ZDHHC20: variants seen among roughly 807,000 people sequenced by gnomAD.
The protein encoded by ZDHHC20 is zDHHC palmitoyltransferase 20, also known as palmitoyltransferase ZDHHC20.
ZDHHC20 carries 43 observed loss-of-function variants against 57.8 expected under a neutral mutation model. The ratio of observed to expected loss-of-function variants is 0.74; its 90% confidence interval spans 0.58 to 0.96. The LOEUF is 0.96. ZDHHC20 is among the 40% of genes least tolerant of loss of function. The pLI, the probability that ZDHHC20 is intolerant of heterozygous loss-of-function variation, is 0.00. For missense variants in ZDHHC20, 391 were observed against 441.1 expected (o/e 0.89, Z 1.02); for synonymous variants, 157 against 153.0 (o/e 1.03, Z -0.19).
chr13:21,374,852 G>T lies in ZDHHC20; in HGVS notation c.*1844C>A. The T allele has an allele frequency of 3.4e-6, 1 of 296,616 alleles. No individual in the cohort carries two copies. The highest frequency in any genetic ancestry group is 6.5e-6 in the Non-Finnish European group (1 of 152,674). 18.4% of individuals were successfully genotyped at this position (296,616 alleles called of 1,614,324 possible). A position where few individuals can be genotyped will look rare whatever the true frequency, so the allele number is the denominator to read the frequency against. On this transcript the variant is annotated 3_prime_UTR_variant, in exon 13 of 13. Transcript: ENST00000400590. ...GAAGGTACTCCAAAAAATTTACCGG[G>T]GCGGGGCGTGGTGGCTCACGCCTGT...
intron 1 of ZDHHC20, among the ~76,000 whole-genome samples, chr13:21,428,862 C>CAAAACAAAAT (rs1302968758): frequency 6.6e-6 from 1 of 150,878 alleles, no homozygotes; most frequent in Non-Finnish European, 1.5e-5. Context: ...GCCTCAAAAA[C>CAAAACAAAAT]AAAACAAAAT....
chr13:21,392,853 T>C (rs912456158), intron 7 of ZDHHC20, among the ~76,000 whole-genome samples: 10 of 152,222 alleles, frequency 6.6e-5, no homozygotes, highest in African/African-American at 2.4e-4. Flanking sequence ...GTTTCAAACA[T>C]ATCAAGTGAG....
At chr13:21,458,893 G>A (rs1304930279) in intron 1 of ZDHHC20, among the ~76,000 whole-genome samples, 161 bp downstream of exon 1, 1 of 152,134 alleles carries the variant, frequency 6.6e-6, no homozygotes, top group Non-Finnish European at 1.5e-5. Context: ...ATTGAACAAA[G>A]CGGCGGGTGC....
chr13:21,447,278 C>A lies in ZDHHC20; in HGVS notation c.118+11776G>T, dbSNP rs1883816578. Among the ~76,000 whole-genome samples, 2 of 146,398 alleles carry A rather than the reference C, an allele frequency of 1.4e-5. 1 individual carries two copies. Among genetic ancestry groups the A allele is most frequent in the East Asian group, 4.0e-4 (2 of 4,964 alleles). On this transcript the variant is annotated intron_variant, in intron 1 of 12. Transcript: ENST00000400590. The stretch of plus-strand genomic sequence containing the variant: ...TTTGGACAGATAGAAGATGTGAGCG[C>A]TCTCCCTCTCCCTCTCCCTCTCCGT...
At chr13:21,379,831 T>TC in intron 11 of ZDHHC20, among the ~76,000 whole-genome samples, 1 of 150,362 alleles carries the variant, frequency 6.7e-6, no homozygotes. Flanking sequence ...TTTTCTTTTT[T>TC]TTTGAGATGG....
intron 2 of ZDHHC20, among the ~76,000 whole-genome samples, chr13:21,424,077 G>A (rs1294845129): frequency 6.6e-6 from 1 of 152,020 alleles, no homozygotes; most frequent in Non-Finnish European, 1.5e-5. Flanking sequence ...TTAAAAAATA[G>A]ATAAAATAAA....
intron 9 of ZDHHC20, among the ~76,000 whole-genome samples, chr13:21,385,304 C>T (rs556314362): frequency 2.6e-5 from 4 of 152,196 alleles, no homozygotes; most frequent in South Asian, 2.1e-4. Context: ...TGTTACGCAC[C>T]GGTAATCCCA....
intron 8 of ZDHHC20, among the ~76,000 whole-genome samples, chr13:21,388,934 G>A (rs189051105): frequency 1.3e-5 from 2 of 152,140 alleles, no homozygotes; most frequent in African/African-American, 2.4e-5. Context: ...ATGGACATGG[G>A]TGAGAAATAA....
Position 21,413,717 on chromosome 13 carries a change from C to T in ZDHHC20, c.305G>A (p.Arg102Lys). ...ERYEKEFSQE[R>K]QQEILRRAAR... ...TGCTCTTCTCAAAATTTCTTGTTGT[C>T]TTTCTTGGCTGAATTCTTTTTCATA... Residue 102 changes from arginine (R) to lysine (K), a missense_variant, in exon 4 of 13, where the codon AGA (arginine) becomes AAA (lysine). This residue lies in a region of ZDHHC20 where 185 missense variants were observed against 188.0 expected (regional missense o/e 0.98). Transcript: ENST00000400590. 1 of 1,611,718 alleles carries T rather than the reference C, an allele frequency of 6.2e-7. No individual in the cohort carries two copies. Among genetic ancestry groups the T allele is most frequent in the South Asian group, 1.1e-5 (1 of 90,902 alleles).
chr13:21,445,585 C>G (rs1240231303), intron 1 of ZDHHC20, among the ~76,000 whole-genome samples: 1 of 152,178 alleles, frequency 6.6e-6, no homozygotes, highest in African/African-American at 2.4e-5. Flanking sequence ...TTAAGATTAT[C>G]AATAATACCG....
chr13:21,408,273 G>A (rs2137832578), intron 4 of ZDHHC20, among the ~76,000 whole-genome samples: 1 of 152,258 alleles, frequency 6.6e-6, no homozygotes, highest in African/African-American at 2.4e-5. Flanking sequence ...TCTTCCATTT[G>A]TTTGTGTCCT....
chr13:21,380,219 G>A (rs370699268), intron 11 of ZDHHC20, among the ~76,000 whole-genome samples: 243 of 145,714 alleles, frequency 1.7e-3, no homozygotes, highest in South Asian at 7.8e-3. Context: ...GGGTTCAAGC[G>A]ATTCTCCTGC....
intron 1 of ZDHHC20, among the ~76,000 whole-genome samples, chr13:21,426,965 T>G (rs1037827196): frequency 1.3e-5 from 2 of 152,248 alleles, no homozygotes; most frequent in East Asian, 3.9e-4. Context: ...CTAAACAAAT[T>G]GTGGTTTCCC....
At chr13:21,448,296 GC>G (rs1884019670) in intron 1 of ZDHHC20, among the ~76,000 whole-genome samples, 1 of 90,598 alleles carries the variant, frequency 1.1e-5, no homozygotes, top group South Asian at 3.6e-4. Context: ...TGCCCGGCCA[GC>G]CGCCCCGTCC....
At chr13:21,451,278 T>C (rs1884416179) in intron 1 of ZDHHC20, among the ~76,000 whole-genome samples, 1 of 152,194 alleles carries the variant, frequency 6.6e-6, no homozygotes, top group Non-Finnish European at 1.5e-5. Flanking sequence ...TAACTATAAT[T>C]AGTATTATTA....
Position 21,401,689 on chromosome 13 carries a change from G to C in ZDHHC20, c.441-4C>G. The C allele has an allele frequency of 1.3e-6, 2 of 1,507,078 alleles. No individual in the cohort carries two copies. The allele number at this position is 1,507,078 out of a possible 1,614,324, so 93.4% of individuals were successfully genotyped here. On this transcript the variant is annotated splice_region_variant and splice_polypyrimidine_tract_variant and intron_variant, in intron 5 of 12. Coordinates refer to ENST00000400590, the MANE Select transcript of ZDHHC20 (RefSeq NM_001330059.2). ...ATGATCCATCTTAAGAATACATCTAGGAAACAAACAAGCATAAGAAAATCC... is the reference window on the plus strand; with the variant it reads ...ATGATCCATCTTAAGAATACATCTACGAAACAAACAAGCATAAGAAAATCC...
At chr13:21,402,555 A>T (rs1163847436) in intron 5 of ZDHHC20, among the ~76,000 whole-genome samples, 1 of 152,246 alleles carries the variant, frequency 6.6e-6, no homozygotes, top group Non-Finnish European at 1.5e-5. Context: ...GCACAAGCAT[A>T]GACAGCATAA....
chr13:21,431,957 T>C (rs187591465), intron 1 of ZDHHC20, among the ~76,000 whole-genome samples: 7 of 152,214 alleles, frequency 4.6e-5, no homozygotes, highest in Admixed American at 4.6e-4. Flanking sequence ...TTTGATGAAG[T>C]CTTAATTTAA....
chr13:21,458,992 G>T, intron 1 of ZDHHC20, 62 bp downstream of exon 1: 1 of 1,335,144 alleles, frequency 7.5e-7, no homozygotes, highest in Non-Finnish European at 1.0e-6. Flanking sequence ...GGGGCGCAGA[G>T]GCCTATCTCG....
Sources: allele counts gnomAD v4.1 joint callset (sites outside exome capture counted in the v4.1 genomes callset), GRCh38; gene constraint gnomAD v4.1.1; regional missense constraint gnomAD v4.1.1; transcripts MANE v1.5; gene names NCBI Gene and HGNC (gene_info 2026-07-23, HGNC 2026-07-21).